The following B3GNT5 variants were observed in gnomAD, a reference collection of about 807,000 sequenced individuals.
B3GNT5 encodes lactosylceramide 1,3-N-acetyl-beta-D-glucosaminyltransferase.
A neutral mutation model predicts 25.9 loss-of-function variants in B3GNT5; 11 were observed. The ratio of observed to expected loss-of-function variants is 0.42; its 90% CI spans 0.27 to 0.70. The LOEUF (loss-of-function observed/expected upper bound fraction) is 0.70. Among genes scored for constraint, B3GNT5 ranks in the 30% least tolerant of loss-of-function variants. B3GNT5 has a pLI of 0.23. For synonymous variants in B3GNT5, 166 were observed against 158.6 expected (o/e 1.05, Z -0.35); for missense variants, 385 against 458.4 (o/e 0.84, Z 1.46).
intron 1 of B3GNT5, chr3:183,253,705 C>CGGAACCGGTGTCCCGTGTGGGA (rs1724726293): frequency 6.6e-6 from 1 of 152,402 alleles, no homozygotes; most frequent in Admixed American, 6.5e-5. Flanking sequence ...CGCGGCGCTG[C>CGGAACCGGTGTCCCGTGTGGGA]GGAACCGGTG....
chr3:183,271,110 T>A lies in B3GNT5; in HGVS notation c.*175T>A, dbSNP rs1233183718. On this transcript the variant is annotated 3_prime_UTR_variant, in exon 2 of 2. Coordinates refer to ENST00000326505, the MANE Select transcript of B3GNT5 (RefSeq NM_032047.5). Reference sequence around the variant, plus strand: ...AAGCTGTTTAATATCACTTATCTACTTCATTGCCTAAGTTCATTTCAAAGA... The same window carrying A: ...AAGCTGTTTAATATCACTTATCTACATCATTGCCTAAGTTCATTTCAAAGA... 3.8e-6 allele frequency: 2 copies of A among 528,852 alleles called. No homozygotes were observed. Among genetic ancestry groups the A allele is most frequent in the East Asian group, 6.7e-5 (2 of 29,924 alleles). 32.8% of individuals were successfully genotyped at this position (528,852 alleles called of 1,614,324 possible). A position where few individuals can be genotyped will look rare whatever the true frequency, so the allele number is the denominator to read the frequency against.
At chr3:183,257,958 C>CAT (rs779026571) in intron 1 of B3GNT5, among the ~76,000 whole-genome samples, 22 of 64,726 alleles carry the variant, frequency 3.4e-4, no homozygotes, top group East Asian at 6.0e-4. Context: ...CCACTTCACC[C>CAT]TTTTTTTTTT....
chr3:183,267,888 C>T lies in B3GNT5; in HGVS notation c.-301-1610C>T, dbSNP rs1458995288. Among the ~76,000 whole-genome samples, 1 of 152,178 alleles carries T rather than the reference C, an allele frequency of 6.6e-6. No individual in the cohort carries two copies. Among genetic ancestry groups the T allele is most frequent in the Non-Finnish European group, 1.5e-5 (1 of 68,028 alleles). Reference sequence around the variant, plus strand: ...CACTTTGAGTAAACAGTGGCTCCACCCCCGGCATGGTTCTTTGCACCAACA... The same window carrying T: ...CACTTTGAGTAAACAGTGGCTCCACTCCCGGCATGGTTCTTTGCACCAACA... On this transcript the variant is annotated intron_variant, in intron 1 of 1. Transcript: ENST00000326505. The surrounding 1 kb of genome is among the most constrained non-coding windows in gnomAD (Gnocchi z 5.5).
intron 1 of B3GNT5, among the ~76,000 whole-genome samples, chr3:183,257,456 A>C (rs1269439137): frequency 3.3e-5 from 5 of 152,188 alleles, no homozygotes; most frequent in Non-Finnish European, 7.4e-5. Context: ...TGATAAGTTA[A>C]TGTTTGTTGA....
chr3:183,258,803 G>A (rs1725319527), intron 1 of B3GNT5, among the ~76,000 whole-genome samples: 1 of 152,106 alleles, frequency 6.6e-6, no homozygotes. Flanking sequence ...GCAGAGGCAT[G>A]TAGCCTTGAG....
rs1056895440 is a variant in B3GNT5, at chr3:183,272,871, C to T, written c.*1936C>T. 24 of 1,290,934 alleles carry T rather than the reference C, an allele frequency of 1.9e-5. No homozygotes were observed. In the African/African-American group the frequency reaches 3.3e-4, roughly 18 times the overall value. The allele number at this position is 1,290,934 out of a possible 1,614,324, so 80.0% of individuals were successfully genotyped here. On this transcript the variant is annotated 3_prime_UTR_variant, in exon 2 of 2. Coordinates refer to ENST00000326505, the MANE Select transcript of B3GNT5 (RefSeq NM_032047.5). The stretch of plus-strand genomic sequence containing the variant: ...CTGGCCATCAAAGTGATCTTGTTTA[C>T]AGCAGTGCTTTTGTGAAACAATTAT...
intron 1 of B3GNT5, among the ~76,000 whole-genome samples, chr3:183,254,392 G>A (rs1724829069): frequency 6.6e-6 from 1 of 152,016 alleles, no homozygotes; most frequent in East Asian, 1.9e-4. Flanking sequence ...CTCTGAAAGC[G>A]CGGCGGAGAA....
intron 1 of B3GNT5, among the ~76,000 whole-genome samples, chr3:183,255,201 C>T (rs1724929646): frequency 6.6e-6 from 1 of 152,098 alleles, no homozygotes; most frequent in Non-Finnish European, 1.5e-5. Context: ...CGAAGTTGAC[C>T]CAGAAAAGGA....
rs914481877 is a variant in B3GNT5, at chr3:183,264,081, C to G, written c.-301-5417C>G. Reference sequence around the variant, plus strand: ...TTGCTCAAACTTAATAAATACTGAGCAAGGGAGTTACTATAACAAACAAAA... The same window carrying G: ...TTGCTCAAACTTAATAAATACTGAGGAAGGGAGTTACTATAACAAACAAAA... On this transcript the variant is annotated intron_variant, in intron 1 of 1. Coordinates refer to ENST00000326505, the MANE Select transcript of B3GNT5 (RefSeq NM_032047.5). Among the ~76,000 whole-genome samples the G allele has an allele frequency of 7.2e-5, 11 of 152,158 alleles. 1 individual carries two copies. The highest frequency in any genetic ancestry group is 7.2e-4 in the Admixed American group (11 of 15,282).
chr3:183,260,176 G>C (rs1449966543), intron 1 of B3GNT5, among the ~76,000 whole-genome samples: 1 of 152,038 alleles, frequency 6.6e-6, no homozygotes, highest in Non-Finnish European at 1.5e-5. Flanking sequence ...TCGGTATCTC[G>C]ATGCCTCAGT....
intron 1 of B3GNT5, among the ~76,000 whole-genome samples, chr3:183,263,686 C>A (rs1443816691): frequency 2.0e-5 from 3 of 152,118 alleles, no homozygotes; most frequent in African/African-American, 7.2e-5. Context: ...TAGATTATTA[C>A]CCCCTGGACA....
In B3GNT5 at chr3:183,270,486, A is replaced by G. The variant is rs1560389885; in HGVS notation, c.688A>G (p.Ile230Val). The change falls in exon 2 of 2, where the codon ATT becomes GTT. Residue 230 changes from isoleucine to valine, a missense_variant. Ile to Val is a conservative substitution (Grantham distance 29). Coordinates refer to ENST00000326505, the MANE Select transcript of B3GNT5 (RefSeq NM_032047.5). This position sits in a 1 kb window ranked among gnomAD's most constrained non-coding sequence, Gnocchi z 4.5. Reference protein sequence around the residue: ...IGRVHRGAPPIRDKSSKYYVS... With the variant: ...IGRVHRGAPPVRDKSSKYYVS... ...TCGTGTTCATCGTGGTGCCCCTCCCATTAGAGATAAAAGCAGCAAATACTA... is the reference window on the plus strand; with the variant it reads ...TCGTGTTCATCGTGGTGCCCCTCCCGTTAGAGATAAAAGCAGCAAATACTA... The G allele has an allele frequency of 2.5e-6, 4 of 1,614,158 alleles. No individual in the cohort carries two copies. The highest frequency in any genetic ancestry group is 3.4e-6 in the Non-Finnish European group (4 of 1,180,018).
At chr3:183,265,210 A>T (rs1480097878) in intron 1 of B3GNT5, 1 of 152,250 alleles carries the variant, frequency 6.6e-6, no homozygotes, top group Non-Finnish European at 1.5e-5. Flanking sequence ...GCCCAAGGTT[A>T]CACAATAAAT....
intron 1 of B3GNT5, chr3:183,254,164 TGGA>T (rs1225399497): frequency 6.6e-6 from 1 of 151,744 alleles, no homozygotes; most frequent in African/African-American, 2.4e-5. Context: ...GCGAGGTCTC[TGGA>T]GGAGAAGAGT....
chr3:183,261,377 G>T (rs1024611302), intron 1 of B3GNT5, among the ~76,000 whole-genome samples: 1 of 151,988 alleles, frequency 6.6e-6, no homozygotes, highest in Admixed American at 6.6e-5. Context: ...GCATAAAGAT[G>T]GTACAGAAGA....
chr3:183,258,965 G>C (rs1464356672), intron 1 of B3GNT5, among the ~76,000 whole-genome samples: 1 of 152,048 alleles, frequency 6.6e-6, no homozygotes, highest in African/African-American at 2.4e-5. Context: ...ATTGTTACAC[G>C]GTATTGTTTA....
At chr3:183,263,100 AGAGT>A (rs936954570) in intron 1 of B3GNT5, among the ~76,000 whole-genome samples, 7 of 152,124 alleles carry the variant, frequency 4.6e-5, no homozygotes, top group African/African-American at 1.4e-4. Flanking sequence ...AGTGTACTAT[AGAGT>A]GAGTATCCTG....
In B3GNT5 at chr3:183,272,623, G is replaced by A; in HGVS notation, c.*1688G>A. 3 of 999,402 alleles carry A rather than the reference G, an allele frequency of 3.0e-6. No individual in the cohort carries two copies. The highest frequency in any genetic ancestry group is 3.6e-6 in the Non-Finnish European group (3 of 829,150). The allele number at this position is 999,402 out of a possible 1,614,324, so 61.9% of individuals were successfully genotyped here. A position where few individuals can be genotyped will look rare whatever the true frequency, so the allele number is the denominator to read the frequency against. On this transcript the variant is annotated 3_prime_UTR_variant, in exon 2 of 2. Transcript: ENST00000326505. The stretch of plus-strand genomic sequence containing the variant: ...ACAGTGTCAAACATTCTAGGTTGTA[G>A]TTACTTTCAGAGTAGATACAGGGTT...
In B3GNT5 at chr3:183,253,426, C is replaced by T. The variant is rs1016732243; in HGVS notation, c.-348C>T. The T allele has an allele frequency of 6.6e-6, 1 of 152,140 alleles. No individual in the cohort carries two copies. The highest frequency in any genetic ancestry group is 1.5e-5 in the Non-Finnish European group (1 of 68,030). 9.4% of individuals were successfully genotyped at this position (152,140 alleles called of 1,614,324 possible). On this transcript the variant is annotated 5_prime_UTR_variant, in exon 1 of 2. Transcript: ENST00000326505. ...CATTTAAAGAGCTGGGCTTGAACTT[C>T]GTGAGTTTCGCTCTAAACTGCCCTT...
Sources: gnomAD v4.1 joint callset for allele counts (sites outside exome capture counted in the v4.1 genomes callset) on GRCh38, gnomAD v4.1.1 for gene constraint, Gnocchi (gnomAD v3.1) non-coding constraint, MANE v1.5 for transcripts, NCBI Gene and HGNC (gene_info 2026-07-23, HGNC 2026-07-21) for gene names.